Variants in CNTN5 observed in about 807,000 individuals in gnomAD.
The protein encoded by CNTN5 is contactin-5.
CNTN5 carries 77 observed loss-of-function variants against 129.1 expected under a neutral mutation model. The observed-to-expected ratio is 0.60, with a 90% CI of 0.50 to 0.72. The LOEUF (loss-of-function observed/expected upper bound fraction) is 0.72, where lower values mean the gene tolerates loss of function less well. Ranked by LOEUF, CNTN5 falls within the 30% of genes least tolerant of loss-of-function variation. The pLI is 0.00. For synonymous variants in CNTN5, 509 were observed against 465.6 expected, an observed-to-expected ratio of 1.09 and a Z score of -1.20; for missense variants, 1,478 against 1,328.8, an observed-to-expected ratio of 1.11 and a Z score of -1.75.
intron 15 of CNTN5, among the ~76,000 whole-genome samples, chr11:100,222,264 T>C (rs1389817740): frequency 3.9e-5 from 6 of 152,190 alleles, no homozygotes; most frequent in Non-Finnish European, 8.8e-5. Flanking sequence ...TAGATGGTGA[T>C]GTAACTTTGG....
chr11:100,325,562 T>C (rs867957903), intron 21 of CNTN5, among the ~76,000 whole-genome samples: 3 of 152,312 alleles, frequency 2.0e-5, no homozygotes, highest in Non-Finnish European at 2.9e-5. Flanking sequence ...AAGCAAGCAA[T>C]GAAATAGCCT....
At chr11:99,227,355 G>A (rs898797668) in intron 1 of CNTN5, among the ~76,000 whole-genome samples, 9 of 148,276 alleles carry the variant, frequency 6.1e-5, no homozygotes, top group South Asian at 2.1e-4. Flanking sequence ...GCGAGAATCT[G>A]TCTCAAAAAA....
At chr11:99,648,833 C>T (rs1209622640) in intron 3 of CNTN5, among the ~76,000 whole-genome samples, 5 of 151,704 alleles carry the variant, frequency 3.3e-5, no homozygotes, top group Non-Finnish European at 5.9e-5. Flanking sequence ...GCATGTCCCA[C>T]TCATATGCAG....
rs559580487 is a variant in CNTN5 at position 100,148,638 on chromosome 11, C to T, written c.1581-42488C>T. Among the ~76,000 whole-genome samples the T allele has an allele frequency of 2.0e-4, 30 of 152,276 alleles. No homozygotes were observed. The South Asian group carries it at 6.0e-3, about 31-fold the overall frequency. On this transcript the variant is annotated intron_variant, in intron 13 of 24. Transcript: ENST00000524871. ...TTGGTGTACTGGACTAATGTGCCTTCTGTGAGATGCATGAAGCCCCCGGGC... is the reference window on the plus strand; with the variant it reads ...TTGGTGTACTGGACTAATGTGCCTTTTGTGAGATGCATGAAGCCCCCGGGC...
chr11:100,004,070 AAATT>A (rs1206111189), intron 9 of CNTN5: 1 of 152,188 alleles, frequency 6.6e-6, no homozygotes, highest in Non-Finnish European at 1.5e-5. Flanking sequence ...CAGCAATTGC[AAATT>A]AATTCCTGAG....
intron 2 of CNTN5, among the ~76,000 whole-genome samples, chr11:99,497,461 C>T (rs1261118503): frequency 1.3e-5 from 2 of 152,090 alleles, no homozygotes; most frequent in Admixed American, 1.3e-4. Flanking sequence ...TTCCCCTTTT[C>T]TGTAGGAACT....
At chr11:99,582,746 T>C (rs1398827436) in intron 3 of CNTN5, among the ~76,000 whole-genome samples, 1 of 152,172 alleles carries the variant, frequency 6.6e-6, no homozygotes, top group Non-Finnish European at 1.5e-5. Context: ...TCAAAGTTTT[T>C]AACTTCTTTG....
intron 1 of CNTN5, among the ~76,000 whole-genome samples, chr11:99,213,739 T>A (rs1284638336): frequency 6.6e-6 from 1 of 152,070 alleles, no homozygotes. Flanking sequence ...GTTACATACT[T>A]CTAAGATAGC....
intron 8 of CNTN5, among the ~76,000 whole-genome samples, chr11:99,993,115 G>A (rs963376676): frequency 3.9e-5 from 6 of 152,140 alleles, no homozygotes; most frequent in Admixed American, 2.6e-4. Context: ...GGAATTTGAA[G>A]CTAAACTGCA....
chr11:99,084,779 A>C (rs1865933907), intron 1 of CNTN5, among the ~76,000 whole-genome samples: 1 of 152,160 alleles, frequency 6.6e-6, no homozygotes, highest in Non-Finnish European at 1.5e-5. Flanking sequence ...TGCATTGAAA[A>C]GCCTCATAAC....
chr11:99,228,159 G>A (rs1468505302), intron 1 of CNTN5, among the ~76,000 whole-genome samples: 1 of 151,872 alleles, frequency 6.6e-6, no homozygotes, highest in African/African-American at 2.4e-5. Context: ...CCCAAGAAAT[G>A]GATTTACCTG....
intron 1 of CNTN5, among the ~76,000 whole-genome samples, chr11:99,102,332 G>T (rs1387855606): frequency 4.6e-5 from 7 of 152,064 alleles, no homozygotes; most frequent in Non-Finnish European, 1.0e-4. Context: ...TTAACATTTG[G>T]CACCTCATTA....
intron 6 of CNTN5, among the ~76,000 whole-genome samples, chr11:99,895,542 A>G (rs572607817): frequency 5.9e-5 from 9 of 152,184 alleles, no homozygotes; most frequent in Non-Finnish European, 1.3e-4. Context: ...CAGGGAAGTG[A>G]CAGGACCCAC....
chr11:99,440,696 T>C (rs1405532448), intron 2 of CNTN5, among the ~76,000 whole-genome samples: 1 of 152,104 alleles, frequency 6.6e-6, no homozygotes. Context: ...GGATGCTTAA[T>C]ATTTGGCAAC....
chr11:100,081,889 T>C (rs1263973119), intron 13 of CNTN5, among the ~76,000 whole-genome samples: 1 of 152,130 alleles, frequency 6.6e-6, no homozygotes, highest in Non-Finnish European at 1.5e-5. Flanking sequence ...GACCTTGAGA[T>C]TAATATTTGG....
Position 99,973,988 on chromosome 11 carries a change from G to C in CNTN5, c.877+16979G>C, listed in dbSNP as rs146670371. Among the ~76,000 whole-genome samples, 546 of 152,186 alleles carry C rather than the reference G, an allele frequency of 3.6e-3. 3 individuals are homozygous for C. Among genetic ancestry groups the C allele is most frequent in the African/African-American group, 0.013 (524 of 41,522 alleles). On this transcript the variant is annotated intron_variant, in intron 8 of 24. Transcript: ENST00000524871. ...AATTCAGTTATACCAATATAATCCT[G>C]CCATTATTCAAAATATTTTAAAACT... is the stretch of plus-strand genomic sequence containing the variant.
chr11:99,311,080 T>C (rs186885902), intron 1 of CNTN5, among the ~76,000 whole-genome samples: 363 of 152,116 alleles, frequency 2.4e-3, no homozygotes, highest in African/African-American at 8.2e-3. Flanking sequence ...AGGTGCACGA[T>C]ACCACGCCCG....
chr11:100,063,313 C>T (rs1196602249), intron 10 of CNTN5, among the ~76,000 whole-genome samples: 6 of 151,608 alleles, frequency 4.0e-5, no homozygotes, highest in African/African-American at 7.3e-5. Flanking sequence ...TCTGGGGTGT[C>T]GTTGTCATGC....
At chr11:99,163,034 C>G (rs190255299) in intron 1 of CNTN5, among the ~76,000 whole-genome samples, 10 of 152,268 alleles carry the variant, frequency 6.6e-5, no homozygotes, top group Middle Eastern at 6.8e-3. Flanking sequence ...CCGAAGTTGC[C>G]TTTTCAGAAG....
Sources: gnomAD v4.1 joint callset for allele counts (sites outside exome capture counted in the v4.1 genomes callset) on GRCh38, gnomAD v4.1.1 for gene constraint, MANE v1.5 for transcripts, NCBI Gene and HGNC (gene_info 2026-07-23, HGNC 2026-07-21) for gene names.